Variants in SLC4A10 observed in about 807,000 individuals in gnomAD.
SLC4A10 encodes sodium-driven chloride bicarbonate exchanger.
Under a neutral mutation model 137.7 loss-of-function variants are expected in SLC4A10, and 42 were observed. That is an observed-to-expected ratio of 0.30 (90% CI 0.24 to 0.39). SLC4A10 has a LOEUF of 0.39. Ranked by LOEUF, SLC4A10 falls within the 10% of genes least tolerant of loss-of-function variation. The pLI, the probability that SLC4A10 is intolerant of heterozygous loss-of-function variation, is 1.00. For missense variants in SLC4A10, 925 were observed against 1,355.0 expected (o/e 0.68, Z 4.98); for synonymous variants, 474 against 464.1 (o/e 1.02, Z -0.27).
chr2:161,900,921 A>G lies in SLC4A10; in HGVS notation c.1352A>G (p.Lys451Arg), dbSNP rs1682959778. The part of the protein sequence containing the change: ...PKNVPSQEKR[K>R]IPAVPNGTAA... ...AAAAACTCTCCACAGGAGAAGAGGA[A>G]GATTCCTGCTGTACCAAATGGAACA... Residue 451 changes from lysine (K) to arginine (R), a missense_variant, in exon 12 of 27, where the codon AAG becomes AGG. Transcript: ENST00000446997. The G allele has an allele frequency of 1.9e-6, 3 of 1,546,992 alleles. No individual in the cohort carries two copies. Among genetic ancestry groups the G allele is most frequent in the East Asian group, 2.4e-5 (1 of 41,342 alleles).
At chr2:161,934,935 T>G (rs1187512171) in intron 15 of SLC4A10, among the ~76,000 whole-genome samples, 1 of 152,214 alleles carries the variant, frequency 6.6e-6, no homozygotes, top group African/African-American at 2.4e-5. Flanking sequence ...CTTTTTAGTT[T>G]GATGTAATCT....
At chr2:161,636,847 G>A (rs1450552682) in intron 1 of SLC4A10, among the ~76,000 whole-genome samples, 1 of 151,512 alleles carries the variant, frequency 6.6e-6, no homozygotes, top group Non-Finnish European at 1.5e-5. Flanking sequence ...GCACTACCAT[G>A]CCTGTCTAAT....
chr2:161,683,242 A>G, intron 1 of SLC4A10, among the ~76,000 whole-genome samples: 1 of 152,216 alleles, frequency 6.6e-6, no homozygotes, highest in East Asian at 1.9e-4. Flanking sequence ...TTCTCATATT[A>G]GAACATTGAG....
At chr2:161,916,247 C>G (rs1417258797) in intron 15 of SLC4A10, among the ~76,000 whole-genome samples, 2 of 152,218 alleles carry the variant, frequency 1.3e-5, no homozygotes, top group Non-Finnish European at 2.9e-5. Context: ...TCTTGCAACT[C>G]TTTCCCCCTC....
At chr2:161,719,946 G>A (rs2045438863) in intron 1 of SLC4A10, among the ~76,000 whole-genome samples, 1 of 152,200 alleles carries the variant, frequency 6.6e-6, no homozygotes, top group South Asian at 2.1e-4. Context: ...TGCGTTTGGT[G>A]TTTTAGACAT....
At chr2:161,702,425 A>G (rs985175260) in intron 1 of SLC4A10, among the ~76,000 whole-genome samples, 1 of 151,884 alleles carries the variant, frequency 6.6e-6, no homozygotes, top group Non-Finnish European at 1.5e-5. Flanking sequence ...ATATTTTCCT[A>G]TCATTTACTT....
rs192887106 is a variant in SLC4A10, at chr2:161,946,541, A to C, written c.2104-1025A>C. Among the ~76,000 whole-genome samples, 360 of 152,228 alleles carry C rather than the reference A, an allele frequency of 2.4e-3. 1 individual carries two copies. Among genetic ancestry groups the C allele is most frequent in the African/African-American group, 8.3e-3 (344 of 41,570 alleles). ...TCAGGGCAAGAATATCTCAAGGACT[A>C]ATGAGATCACTGGATCATTTAAACC... On this transcript the variant is annotated intron_variant, in intron 16 of 26. Coordinates refer to ENST00000446997, the MANE Select transcript of SLC4A10 (RefSeq NM_001178015.2).
At chr2:161,896,352 C>T (rs914684989) in intron 11 of SLC4A10, among the ~76,000 whole-genome samples, 1 of 151,910 alleles carries the variant, frequency 6.6e-6, no homozygotes, top group Non-Finnish European at 1.5e-5. Flanking sequence ...TAGTGTGATG[C>T]CTCCAGCTTT....
chr2:161,944,278 G>T (rs1227714563), intron 16 of SLC4A10, among the ~76,000 whole-genome samples: 1 of 151,502 alleles, frequency 6.6e-6, no homozygotes, highest in Non-Finnish European at 1.5e-5. Context: ...CACTTTCTTT[G>T]GTAAACTATA....
At chr2:161,729,521 A>T (rs538491479) in intron 1 of SLC4A10, among the ~76,000 whole-genome samples, 15 of 152,096 alleles carry the variant, frequency 9.9e-5, no homozygotes, top group South Asian at 2.1e-4. Flanking sequence ...AGTTTTTTTT[A>T]AAAAAAATTG....
At chr2:161,899,532 C>T (rs918070698) in intron 11 of SLC4A10, among the ~76,000 whole-genome samples, 1 of 152,116 alleles carries the variant, frequency 6.6e-6, no homozygotes, top group African/African-American at 2.4e-5. Flanking sequence ...CAATGAACAG[C>T]ATTTAAGAGT....
intron 6 of SLC4A10, among the ~76,000 whole-genome samples, chr2:161,867,599 G>C (rs566878367): frequency 3.9e-4 from 60 of 152,078 alleles, no homozygotes; most frequent in African/African-American, 1.4e-3. Context: ...GATTTTAAGA[G>C]CAAACATAAT....
At position 161,731,099 on chromosome 2, in the gene SLC4A10, T is replaced by C. The variant is rs544178042; in HGVS notation, c.49-39874T>C. On this transcript the variant is annotated intron_variant, in intron 1 of 26. Coordinates refer to ENST00000446997, the MANE Select transcript of SLC4A10 (RefSeq NM_001178015.2). ...GACTTCAGTGAAAGAAAAAGTATTG[T>C]TTTTCTTTTTATAAAATCATTGAAT... Among the ~76,000 whole-genome samples the C allele has an allele frequency of 9.2e-5, 14 of 152,262 alleles. No individual in the cohort carries two copies. The South Asian group carries it at 1.0e-3, about 11-fold the overall frequency.
intron 1 of SLC4A10, among the ~76,000 whole-genome samples, chr2:161,754,556 G>C (rs921147438): frequency 6.6e-6 from 1 of 152,120 alleles, no homozygotes; most frequent in Admixed American, 6.6e-5. Context: ...TACTTGATAG[G>C]ACAGTGGTGG....
intron 1 of SLC4A10, among the ~76,000 whole-genome samples, chr2:161,648,149 G>C (rs1022151904): frequency 1.5e-4 from 23 of 151,938 alleles, no homozygotes; most frequent in Admixed American, 2.0e-4. Context: ...CAATAAGTCA[G>C]TGGCAAAACC....
At position 161,798,661 on chromosome 2, in the gene SLC4A10, T is replaced by C. The variant is rs115712426; in HGVS notation, c.131-5788T>C. Among the ~76,000 whole-genome samples, 788 of 151,852 alleles carry C rather than the reference T, an allele frequency of 5.2e-3. 9 individuals carry two copies. The highest frequency in any genetic ancestry group is 0.018 in the African/African-American group (757 of 41,488). On this transcript the variant is annotated intron_variant, in intron 2 of 26. Coordinates refer to ENST00000446997, the MANE Select transcript of SLC4A10 (RefSeq NM_001178015.2). ...AATAATATGTACAAACCTTTGATTT[T>C]CTTAATGATGAAACTGTATTTTGTC...
intron 21 of SLC4A10, among the ~76,000 whole-genome samples, chr2:161,961,642 A>G (rs933469360): frequency 2.6e-5 from 4 of 151,926 alleles, no homozygotes; most frequent in African/African-American, 9.7e-5. Flanking sequence ...GCTCACATAA[A>G]TACAGCAGCA....
At chr2:161,832,907 A>AT (rs958543744) in intron 3 of SLC4A10, among the ~76,000 whole-genome samples, 35 of 152,012 alleles carry the variant, frequency 2.3e-4, no homozygotes, top group African/African-American at 8.0e-4. Context: ...CGCCTGGCTA[A>AT]TTTTTTGTAT....
At chr2:161,802,127 A>C (rs978578537) in intron 2 of SLC4A10, among the ~76,000 whole-genome samples, 2 of 152,094 alleles carry the variant, frequency 1.3e-5, no homozygotes, top group African/African-American at 4.8e-5. Flanking sequence ...ATAATTTTTC[A>C]CTTGCCTGCA....
Sources: gnomAD v4.1 joint callset for allele counts (sites outside exome capture counted in the v4.1 genomes callset) on GRCh38, gnomAD v4.1.1 for gene constraint, MANE v1.5 for transcripts, NCBI Gene and HGNC (gene_info 2026-07-23, HGNC 2026-07-21) for gene names.